RPSA2: variants seen among roughly 807,000 people sequenced by gnomAD.
RPSA2 encodes small ribosomal subunit protein uS2B.
chr19:23,854,005 A>G, the RPSA2 span, among the ~76,000 whole-genome samples: 3 of 152,286 alleles, frequency 2.0e-5, no homozygotes, highest in Non-Finnish European at 4.4e-5. Flanking sequence ...ATTGTTTAGA[A>G]ATTACATTAA....
chr19:23,759,022 T>A, the RPSA2 span: 76 of 549,650 alleles, frequency 1.4e-4, no homozygotes, highest in African/African-American at 1.3e-3. Flanking sequence ...TGACAGAAGA[T>A]GTGATCAGAT....
chr19:23,859,593 C>T, the RPSA2 span, among the ~76,000 whole-genome samples: 1 of 150,216 alleles, frequency 6.7e-6, no homozygotes, highest in Non-Finnish European at 1.5e-5. Flanking sequence ...CACCATTGCA[C>T]TCCAGCCTGG....
At chr19:23,775,598 C>T in the RPSA2 span, among the ~76,000 whole-genome samples, 275 of 152,344 alleles carry the variant, frequency 1.8e-3, 2 homozygotes, top group Middle Eastern at 0.01. Flanking sequence ...AGATTTTCAT[C>T]TTTTCACATG....
the RPSA2 span, among the ~76,000 whole-genome samples, chr19:23,779,766 T>G: frequency 1.3e-5 from 2 of 152,206 alleles, no homozygotes; most frequent in African/African-American, 2.4e-5. Flanking sequence ...ATAAAAGATG[T>G]GATGCCTTTT....
chr19:23,856,201 T>C, the RPSA2 span, among the ~76,000 whole-genome samples: 1 of 152,006 alleles, frequency 6.6e-6, no homozygotes, highest in African/African-American at 2.4e-5. Flanking sequence ...GGGATTGGTA[T>C]GTCATTAGGA....
chr19:23,830,724 T>C, the RPSA2 span, among the ~76,000 whole-genome samples: 3 of 152,154 alleles, frequency 2.0e-5, no homozygotes, highest in African/African-American at 7.2e-5. Flanking sequence ...CAATGAGAAC[T>C]ATTCAATTTA....
the RPSA2 span, among the ~76,000 whole-genome samples, chr19:23,775,332 T>C: frequency 6.6e-6 from 1 of 152,174 alleles, no homozygotes; most frequent in Non-Finnish European, 1.5e-5. Flanking sequence ...TGGTGACTTA[T>C]TAATAAGCCT....
chr19:23,820,221 A>G, the RPSA2 span, among the ~76,000 whole-genome samples: 3 of 152,168 alleles, frequency 2.0e-5, no homozygotes, highest in Non-Finnish European at 2.9e-5. Context: ...TTGTTCACAA[A>G]TGGCTCATGT....
the RPSA2 span, among the ~76,000 whole-genome samples, chr19:23,858,948 G>A: frequency 1.3e-5 from 2 of 152,142 alleles, no homozygotes; most frequent in Non-Finnish European, 1.5e-5. Context: ...GCTTCACTGA[G>A]GGCTGGAAGT....
the RPSA2 span, among the ~76,000 whole-genome samples, chr19:23,861,593 T>C: frequency 6.6e-6 from 1 of 152,170 alleles, no homozygotes; most frequent in Admixed American, 6.5e-5. Flanking sequence ...CTACCAGCGT[T>C]CTGCTTTAGT....
At chr19:23,839,908 A>C in the RPSA2 span, among the ~76,000 whole-genome samples, 3 of 152,204 alleles carry the variant, frequency 2.0e-5, no homozygotes, top group African/African-American at 7.2e-5. Context: ...CGTTGTGTTC[A>C]GGAGAAGAGA....
the RPSA2 span, among the ~76,000 whole-genome samples, chr19:23,847,391 A>G: frequency 1.3e-5 from 2 of 152,170 alleles, no homozygotes; most frequent in African/African-American, 4.8e-5. Flanking sequence ...CCAGTCTGAG[A>G]AATAAAGAGA....
chr19:23,774,787 C>T, the RPSA2 span, among the ~76,000 whole-genome samples: 1 of 152,176 alleles, frequency 6.6e-6, no homozygotes, highest in Admixed American at 6.5e-5. Flanking sequence ...ACTCTACTGT[C>T]TGTGCCCTGA....
the RPSA2 span, among the ~76,000 whole-genome samples, chr19:23,787,091 G>A: frequency 3.9e-5 from 6 of 152,104 alleles, no homozygotes; most frequent in African/African-American, 1.4e-4. Context: ...CAGAGAAATT[G>A]TAGCATATTG....
the RPSA2 span, among the ~76,000 whole-genome samples, chr19:23,789,023 C>CTTTTT: frequency 2.6e-4 from 34 of 129,416 alleles, 1 homozygote; most frequent in East Asian, 1.2e-3. Flanking sequence ...TTCTTTCTTT[C>CTTTTT]TTTTTTTTTT....
chr19:23,836,984 T>G, the RPSA2 span, among the ~76,000 whole-genome samples: 1 of 152,194 alleles, frequency 6.6e-6, no homozygotes, highest in Admixed American at 6.5e-5. Context: ...CTTTTTAGTT[T>G]AATTAGGTCC....
chr19:23,821,379 G>A, the RPSA2 span, among the ~76,000 whole-genome samples: 1 of 152,186 alleles, frequency 6.6e-6, no homozygotes, highest in Non-Finnish European at 1.5e-5. Context: ...TCACTCATGG[G>A]CCTATAGAAA....
chr19:23,781,740 T>C, the RPSA2 span, among the ~76,000 whole-genome samples: 2 of 152,232 alleles, frequency 1.3e-5, no homozygotes, highest in Non-Finnish European at 2.9e-5. Context: ...ACAGGAGGTG[T>C]TGATTCTCAT....
At chr19:23,765,107 C>T in the RPSA2 span, among the ~76,000 whole-genome samples, 2 of 152,104 alleles carry the variant, frequency 1.3e-5, no homozygotes, top group Admixed American at 6.6e-5. Flanking sequence ...TGGAAAATTT[C>T]CTTGTATACT....
Sources: allele counts gnomAD v4.1 joint callset (sites outside exome capture counted in the v4.1 genomes callset), GRCh38; gene constraint gnomAD v4.1.1; transcripts MANE v1.5; gene names NCBI Gene and HGNC (gene_info 2026-07-23, HGNC 2026-07-21).